The following TSEN54 variants were observed in gnomAD, a reference collection of about 807,000 sequenced individuals.
TSEN54 encodes the protein tRNA splicing endonuclease subunit 54.
TSEN54 carries 55 observed loss-of-function variants against 61.9 expected under a neutral mutation model. The ratio of observed to expected loss-of-function variants is 0.89; its 90% CI spans 0.72 to 1.11. The LOEUF is 1.11. TSEN54 is among the 50% of genes most tolerant of loss of function. TSEN54 has a pLI of 0.00. For missense variants in TSEN54, 760 were observed against 687.7 expected (o/e 1.11, Z -1.18); for synonymous variants, 304 against 288.7 (o/e 1.05, Z -0.54).
Position 75,523,750 on chromosome 17 carries a change from C to T in TSEN54, c.1401C>T (p.Gly467=). The T allele has an allele frequency of 1.2e-6, 2 of 1,614,062 alleles. No homozygotes were observed. The highest frequency in any genetic ancestry group is 4.5e-5 in the East Asian group (2 of 44,882). The change falls in exon 10 of 11, where the codon GGC becomes GGT. Residue 467 remains glycine (G), a synonymous_variant. Coordinates refer to ENST00000333213, the MANE Select transcript of TSEN54 (RefSeq NM_207346.3). The part of the protein sequence containing the change: ...AVATFRKNNP[G]KPYARMCISG... ...CCACATTCCGAAAGAATAACCCTGG[C>T]AAACCCTATGCCCGGATGTGCATTA...
intron 8 of TSEN54, 35 bp from the exon 9 acceptor site, chr17:75,523,240 C>T (rs199645090): frequency 1.2e-6 from 2 of 1,614,036 alleles, no homozygotes; most frequent in Non-Finnish European, 1.7e-6. Context: ...AATGTGACTC[C>T]CCTCCCCAGT....
At chr17:75,524,099 A>C (rs781640286) in intron 10 of TSEN54, among the ~76,000 whole-genome samples, 163 bp from the exon 11 acceptor site, 7 of 152,208 alleles carry the variant, frequency 4.6e-5, no homozygotes, top group Admixed American at 1.3e-4. Context: ...CTCCCCAACC[A>C]GTGCTCTGGG....
intron 8 of TSEN54, chr17:75,522,810 T>G: frequency 3.8e-6 from 1 of 266,134 alleles, no homozygotes; most frequent in Non-Finnish European, 7.2e-6. Flanking sequence ...CAGATCAGTT[T>G]GATTTGACTT....
chr17:75,517,291 G>A (rs1214138768), intron 4 of TSEN54, 47 bp downstream of exon 4: 1 of 1,551,558 alleles, frequency 6.4e-7, no homozygotes, highest in Admixed American at 1.9e-5. Flanking sequence ...CCAAAGAACG[G>A]GAAGGACACG....
intron 10 of TSEN54, 38 bp from the exon 11 acceptor site, chr17:75,524,224 C>G (rs779370953): frequency 6.2e-7 from 1 of 1,613,840 alleles, no homozygotes; most frequent in South Asian, 1.1e-5. Flanking sequence ...TAGGAGTGGG[C>G]TATGGCTGGG....
At chr17:75,518,422 A>G in intron 5 of TSEN54, 1 of 663,646 alleles carries the variant, frequency 1.5e-6, no homozygotes, top group Non-Finnish European at 1.9e-6. Flanking sequence ...GATGCAGGAG[A>G]AAAACCAAAG....
chr17:75,523,036 G>T (rs868386367), intron 8 of TSEN54: 1 of 507,256 alleles, frequency 2.0e-6, no homozygotes, highest in East Asian at 3.8e-5. Context: ...AAAATTAGCC[G>T]GGTGTGGTGG....
rs202018339 is a variant in TSEN54, at chr17:75,516,931, G to C, written c.221+21G>C. ...CGCCTGTGAGAGGGGCGGGCCCAGG[G>C]GTAAGGGAAGCGGGGGCGAGGCGGG... On this transcript the variant is annotated intron_variant, in intron 2 of 10. Transcript: ENST00000333213. 1.6e-5 allele frequency: 24 copies of C among 1,545,050 alleles called. 1 individual carries two copies. Among genetic ancestry groups the C allele is most frequent in the Admixed American group, 1.4e-4 (7 of 51,468 alleles).
At position 75,524,254 on chromosome 17, in the gene TSEN54, C is replaced by G. The variant is rs2053474148; in HGVS notation, c.1431-8C>G. The G allele has an allele frequency of 1.2e-6, 2 of 1,614,036 alleles. No homozygotes were observed. The highest frequency in any genetic ancestry group is 1.1e-5 in the South Asian group (1 of 91,076). On this transcript the variant is annotated splice_region_variant and splice_polypyrimidine_tract_variant and intron_variant, in intron 10 of 10. Coordinates refer to ENST00000333213, the MANE Select transcript of TSEN54 (RefSeq NM_207346.3). ...GCTGGGTCTCACTCTAACCCTTTGT[C>G]CCTGCAGATTTGATGAGCCTGTCCC...
chr17:75,519,188 G>C (rs1468279252), intron 6 of TSEN54, 141 bp downstream of exon 6: 3 of 948,952 alleles, frequency 3.2e-6, no homozygotes, highest in Non-Finnish European at 5.2e-6. Context: ...GGCGCCTGCT[G>C]GAAGCGTTCT....
chr17:75,521,539 G>C (rs188695882), intron 7 of TSEN54, 29 bp downstream of exon 7: 53 of 1,608,650 alleles, frequency 3.3e-5, no homozygotes, highest in Non-Finnish European at 4.4e-5. Context: ...TGGCCCCCCA[G>C]GGAGTGCTGG....
intron 8 of TSEN54, chr17:75,522,721 C>G: frequency 2.7e-6 from 1 of 370,782 alleles, no homozygotes. Context: ...AAAGAATAAG[C>G]TAAATGTGTT....
chr17:75,523,244 C>T, intron 8 of TSEN54, 31 bp from the exon 9 acceptor site: 1 of 1,614,066 alleles, frequency 6.2e-7, no homozygotes, highest in Non-Finnish European at 8.5e-7. Flanking sequence ...TGACTCCCCT[C>T]CCCAGTACCT....
At chr17:75,522,547 T>C in intron 8 of TSEN54, 3 of 1,435,736 alleles carry the variant, frequency 2.1e-6, no homozygotes, top group Non-Finnish European at 2.7e-6. Flanking sequence ...TAAGGAGGGG[T>C]GGAAACTATG....
At chr17:75,523,858 C>T (rs1302667629) in intron 10 of TSEN54, 79 bp downstream of exon 10, 5 of 1,482,140 alleles carry the variant, frequency 3.4e-6, no homozygotes, top group Non-Finnish European at 3.7e-6. Flanking sequence ...CTCTGTACTC[C>T]CCTGGCCAGC....
intron 3 of TSEN54, 41 bp from the exon 4 acceptor site, chr17:75,517,120 G>GCCCT: frequency 7.3e-7 from 1 of 1,375,598 alleles, no homozygotes. Flanking sequence ...TGCCCTCCCT[G>GCCCT]CCCTCCCTCC....
intron 8 of TSEN54, chr17:75,522,659 C>A: frequency 1.3e-6 from 1 of 762,922 alleles, no homozygotes; most frequent in Non-Finnish European, 1.9e-6. Flanking sequence ...GCCTTCTTGG[C>A]CAAGTGAAAG....
In TSEN54 at chr17:75,521,969, G is replaced by C. The variant is rs777686643; in HGVS notation, c.888G>C (p.Trp296Cys). 5.6e-6 allele frequency: 9 copies of C among 1,608,908 alleles called. No individual in the cohort carries two copies. The highest frequency in any genetic ancestry group is 1.1e-5 in the South Asian group (1 of 90,528). The change falls in exon 8 of 11, where the codon TGG (tryptophan) becomes TGC (cysteine). Residue 296 changes from tryptophan (W) to cysteine (C), a missense_variant. By Grantham distance (215) the Trp-to-Cys change is radical (BLOSUM62 -2). Transcript: ENST00000333213. ...NGVTGAGKRR[W>C]NFEQISFPNM... The stretch of plus-strand genomic sequence containing the variant: ...TCACGGGAGCCGGTAAGCGGCGCTG[G>C]AACTTCGAGCAGATCTCCTTCCCCA...
chr17:75,524,522 G>A lies in TSEN54; in HGVS notation c.*110G>A. ...CCAGACTCTAACCTGTAGCTTCAGA[G>A]GCCAGTCTGGGCCTTGGCCCTGGGT... On this transcript the variant is annotated 3_prime_UTR_variant, in exon 11 of 11. Transcript: ENST00000333213. 7.4e-7 allele frequency: 1 copy of A among 1,348,808 alleles called. No homozygotes were observed. Among genetic ancestry groups the A allele is most frequent in the Non-Finnish European group, 1.1e-6 (1 of 951,692 alleles). 83.6% of individuals were successfully genotyped at this position (1,348,808 alleles called of 1,614,324 possible). A position where few individuals can be genotyped will look rare whatever the true frequency, so the allele number is the denominator to read the frequency against.
Sources: allele counts gnomAD v4.1 joint callset (sites outside exome capture counted in the v4.1 genomes callset), GRCh38; gene constraint gnomAD v4.1.1; transcripts MANE v1.5; gene names NCBI Gene and HGNC (gene_info 2026-07-23, HGNC 2026-07-21).